The following IGSF9B variants were observed in gnomAD, a reference collection of about 807,000 sequenced individuals.
The protein encoded by IGSF9B is protein turtle homolog B.
IGSF9B carries 48 observed loss-of-function variants against 143.7 expected under a neutral mutation model. The observed-to-expected ratio is 0.33, with a 90% CI of 0.26 to 0.42. IGSF9B has a LOEUF of 0.42. Among genes scored for constraint, IGSF9B ranks in the 20% least tolerant of loss-of-function variants. The pLI is 1.00. For missense variants in IGSF9B, 1,706 were observed against 1,980.0 expected (o/e 0.86, Z 2.63); for synonymous variants, 903 against 833.1 (o/e 1.08, Z -1.44).
rs762695490 is a variant in IGSF9B, at chr11:133,913,705, G to A, written c.3984-1698C>T. ...AGTCTACCCAGAGAGATCCTACAGC[G>A]CAGCAGCAGCTGGGAAGGAAGCGGG... On this transcript the variant is annotated intron_variant, in intron 18 of 19. Coordinates refer to ENST00000533871, the MANE Select transcript of IGSF9B (RefSeq NM_001277285.4). The surrounding 1 kb of genome is among the most constrained non-coding windows in gnomAD (Gnocchi z 4.6). Among the ~76,000 whole-genome samples, 9 of 152,210 alleles carry A rather than the reference G, an allele frequency of 5.9e-5. No individual in the cohort carries two copies. The highest frequency in any genetic ancestry group is 1.2e-4 in the Non-Finnish European group (8 of 68,036).
At chr11:133,937,549 C>A (rs1470383873) in intron 4 of IGSF9B, 56 bp from the exon 5 acceptor site, 4 of 1,375,678 alleles carry the variant, frequency 2.9e-6, no homozygotes, top group Non-Finnish European at 4.1e-6. Context: ...ACCGCTGCTA[C>A]CCTCAAACAC....
At position 133,901,210 on chromosome 11, in the gene IGSF9B, C is replaced by T. The variant is rs908114403; in HGVS notation, c.*7859G>A. ...GTTATTTGTTTTGTTATTTTACAAA[C>T]TTTTCATATATACACATTTCCATCA... On this transcript the variant is annotated 3_prime_UTR_variant, in exon 20 of 20. Coordinates refer to ENST00000533871, the MANE Select transcript of IGSF9B (RefSeq NM_001277285.4). 6 of 152,174 alleles carry T rather than the reference C, an allele frequency of 3.9e-5. No individual in the cohort carries two copies. Among genetic ancestry groups the T allele is most frequent in the African/African-American group, 1.4e-4 (6 of 41,440 alleles). The allele number at this position is 152,174 out of a possible 1,614,324, so 9.4% of individuals were successfully genotyped here. A position where few individuals can be genotyped will look rare whatever the true frequency, so the allele number is the denominator to read the frequency against.
In IGSF9B at chr11:133,919,973, G is replaced by T; in HGVS notation, c.3752C>A (p.Ser1251Tyr). 6.4e-7 allele frequency: 1 copy of T among 1,572,894 alleles called. No homozygotes were observed. The highest frequency in any genetic ancestry group is 8.6e-7 in the Non-Finnish European group (1 of 1,159,960). Residue 1251 changes from serine to tyrosine, a missense_variant, in exon 18 of 20, where the codon TCT becomes TAT. Physicochemically the swap from Ser to Tyr is moderately radical, Grantham distance 144. Around this residue, in one of 7 missense-constraint regions of IGSF9B, gnomAD observed 880 missense variants for 762.9 expected, o/e 1.15. Coordinates refer to ENST00000533871, the MANE Select transcript of IGSF9B (RefSeq NM_001277285.4). The part of the protein sequence containing the change: ...PPAAVSFSRK[S>Y]TPSTGSPSQS... ...GGAGGGGGAGCCTGTGGACGGCGTAGACTTTCGAGAAAAGCTGACTGCAGC... is the reference window on the plus strand; with the variant it reads ...GGAGGGGGAGCCTGTGGACGGCGTATACTTTCGAGAAAAGCTGACTGCAGC...
chr11:133,916,298 G>A (rs1236917097), intron 18 of IGSF9B, among the ~76,000 whole-genome samples: 2 of 152,198 alleles, frequency 1.3e-5, no homozygotes, highest in Non-Finnish European at 2.9e-5. Flanking sequence ...GGAGAGGCAG[G>A]GGCAACAACT....
At chr11:133,919,668 G>A (rs535036054) in intron 18 of IGSF9B, 74 bp downstream of exon 18, 9 of 988,396 alleles carry the variant, frequency 9.1e-6, no homozygotes, top group Middle Eastern at 4.9e-4. Flanking sequence ...GATGGACGGG[G>A]TGGAGGGCAG....
In IGSF9B at chr11:133,903,239, G is replaced by C. The variant is rs1345861483; in HGVS notation, c.*5830C>G. 6.6e-6 allele frequency among the ~76,000 whole-genome samples: 1 copy of C among 151,976 alleles called. No individual in the cohort carries two copies. Among genetic ancestry groups the C allele is most frequent in the Non-Finnish European group, 1.5e-5 (1 of 68,006 alleles). On this transcript the variant is annotated 3_prime_UTR_variant, in exon 20 of 20. Transcript: ENST00000533871. ...GGATTGGTGGAGCACACTTCTTCAA[G>C]ACCCGAAAGAAAGGCAGGCCCAGGC...
chr11:133,911,825 C>A, intron 19 of IGSF9B, 61 bp downstream of exon 19: 1 of 1,438,640 alleles, frequency 7.0e-7, no homozygotes, highest in Non-Finnish European at 9.1e-7. Flanking sequence ...AGCCCAATAA[C>A]CCTCCTGACA....
At chr11:133,956,285 G>A (rs1203949923) in intron 1 of IGSF9B, among the ~76,000 whole-genome samples, 1 of 152,164 alleles carries the variant, frequency 6.6e-6, no homozygotes, top group African/African-American at 2.4e-5. Flanking sequence ...GGGCTCTAGC[G>A]TGCTGCAGCC....
rs1051535793 is a variant in IGSF9B, at chr11:133,916,838, G to T, written c.3983+2904C>A. On this transcript the variant is annotated intron_variant, in intron 18 of 19. Transcript: ENST00000533871. ...AGGAGTCACAGCTGGGACAGGGAGG[G>T]AGCTGGGGAAGGTGGAAGACCAGTG... Among the ~76,000 whole-genome samples the T allele has an allele frequency of 1.5e-3, 231 of 152,252 alleles. 2 individuals carry two copies. The highest frequency in any genetic ancestry group is 5.3e-3 in the African/African-American group (220 of 41,560).
At chr11:133,942,156 T>A (rs1429685601) in intron 3 of IGSF9B, among the ~76,000 whole-genome samples, 1 of 152,192 alleles carries the variant, frequency 6.6e-6, no homozygotes, top group South Asian at 2.1e-4. Flanking sequence ...TTTGTTTTTT[T>A]TCCTCTCGAG....
intron 18 of IGSF9B, among the ~76,000 whole-genome samples, chr11:133,918,199 C>A (rs956488758): frequency 6.6e-6 from 1 of 152,054 alleles, no homozygotes; most frequent in Non-Finnish European, 1.5e-5. Context: ...AGCAATGGCC[C>A]GGCCGAAGCC....
At chr11:133,924,626 C>T (rs149520057) in intron 15 of IGSF9B, among the ~76,000 whole-genome samples, 194 bp downstream of exon 15, 3 of 152,206 alleles carry the variant, frequency 2.0e-5, no homozygotes, top group Non-Finnish European at 2.9e-5. Flanking sequence ...CTGAGCTTCA[C>T]GAAATAGCAT....
chr11:133,938,246 G>T, intron 3 of IGSF9B: 1 of 339,448 alleles, frequency 2.9e-6, no homozygotes, highest in African/African-American at 2.1e-5. Flanking sequence ...AACACTGCCT[G>T]CTCCCAGCTC....
At chr11:133,941,556 G>A (rs1023933586) in intron 3 of IGSF9B, among the ~76,000 whole-genome samples, 3 of 152,160 alleles carry the variant, frequency 2.0e-5, no homozygotes, top group Admixed American at 6.5e-5. Context: ...AAGGAGCCTC[G>A]AACTTGGGAA....
Position 133,953,675 on chromosome 11 carries a change from T to TGGCA in IGSF9B, c.64+3012_64+3015dup, listed in dbSNP as rs2121353447. On this transcript the variant is annotated intron_variant, in intron 1 of 19. Coordinates refer to ENST00000533871, the MANE Select transcript of IGSF9B (RefSeq NM_001277285.4). This position sits in a 1 kb window ranked among gnomAD's most constrained non-coding sequence, Gnocchi z 4.2. ...AGGGATAATGTAACGACAGAATCTG[T>TGGCA]GGCAGACAGAGGAGGCAGCCGTGGG... 6.6e-6 allele frequency among the ~76,000 whole-genome samples: 1 copy of TGGCA among 152,344 alleles called. No individual in the cohort carries two copies. Among genetic ancestry groups the TGGCA allele is most frequent in the East Asian group, 1.9e-4 (1 of 5,180 alleles).
rs918850770 is a variant in IGSF9B at position 133,948,654 on chromosome 11, T to C, written c.65-2396A>G. The stretch of plus-strand genomic sequence containing the variant: ...GTGTGTGTGTGTGTGTGTGTGTGTG[T>C]GTGTGTGTGTCTACAGCACACACCT... On this transcript the variant is annotated intron_variant, in intron 1 of 19. Coordinates refer to ENST00000533871, the MANE Select transcript of IGSF9B (RefSeq NM_001277285.4). The surrounding 1 kb of genome is among the most constrained non-coding windows in gnomAD (Gnocchi z 4.7). Among the ~76,000 whole-genome samples the C allele has an allele frequency of 6.6e-6, 1 of 151,476 alleles. No individual in the cohort carries two copies. The highest frequency in any genetic ancestry group is 1.5e-5 in the Non-Finnish European group (1 of 67,970).
intron 7 of IGSF9B, 103 bp downstream of exon 7, chr11:133,935,514 C>G: frequency 7.6e-7 from 1 of 1,308,002 alleles, no homozygotes; most frequent in East Asian, 2.5e-5. Context: ...CCTACATGCC[C>G]CCAAATGATG....
At position 133,929,897 on chromosome 11, in the gene IGSF9B, T is replaced by C. The variant is rs565577973; in HGVS notation, c.1520-115A>G. The C allele has an allele frequency of 4.5e-6, 3 of 670,982 alleles. No individual in the cohort carries two copies. The South Asian group carries it at 5.2e-5, about 12-fold the overall frequency. The allele number at this position is 670,982 out of a possible 1,614,324, so 41.6% of individuals were successfully genotyped here. ...TGAAGCGCATGGCAGCGGAGCACAATACTGCAAGTGAAGGGATGGGGGCGA... is the reference window on the plus strand; with the variant it reads ...TGAAGCGCATGGCAGCGGAGCACAACACTGCAAGTGAAGGGATGGGGGCGA... On this transcript the variant is annotated intron_variant, in intron 11 of 19. Coordinates refer to ENST00000533871, the MANE Select transcript of IGSF9B (RefSeq NM_001277285.4).
At chr11:133,936,628 G>C (rs1224628448) in intron 5 of IGSF9B, among the ~76,000 whole-genome samples, 2 of 152,178 alleles carry the variant, frequency 1.3e-5, no homozygotes, top group Non-Finnish European at 2.9e-5. Flanking sequence ...TGGCTGCACA[G>C]ACAAAGGGGG....
Sources: allele counts gnomAD v4.1 joint callset (sites outside exome capture counted in the v4.1 genomes callset), GRCh38; gene constraint gnomAD v4.1.1; regional missense constraint gnomAD v4.1.1; non-coding constraint Gnocchi (gnomAD v3.1); transcripts MANE v1.5; gene names NCBI Gene and HGNC (gene_info 2026-07-23, HGNC 2026-07-21).